The following RARB variants were observed in gnomAD, a reference collection of about 807,000 sequenced individuals.
RARB encodes the protein retinoic acid receptor beta.
Under a neutral mutation model 51.9 loss-of-function variants are expected in RARB, and 17 were observed. That is an observed-to-expected ratio of 0.33 (90% confidence interval 0.22 to 0.49). The LOEUF is 0.49. Ranked by LOEUF, RARB falls within the 20% of genes least tolerant of loss-of-function variation. RARB has a pLI of 0.99. For synonymous variants in RARB, 215 were observed against 195.4 expected (o/e 1.10, Z -0.84); for missense variants, 369 against 550.8 (o/e 0.67, Z 3.30).
At chr3:25,106,862 A>G (rs762713347) in intron 3 of RARB, among the ~76,000 whole-genome samples, 1 of 151,136 alleles carries the variant, frequency 6.6e-6, no homozygotes, top group Non-Finnish European at 1.5e-5. Context: ...TTGACTCCAG[A>G]TTCCATTTTT....
intron 2 of RARB, among the ~76,000 whole-genome samples, chr3:24,978,580 T>C (rs933773187): frequency 6.6e-6 from 1 of 152,200 alleles, no homozygotes; most frequent in African/African-American, 2.4e-5. Flanking sequence ...AGTTTGTATT[T>C]CTGTGGGGTT....
chr3:25,089,880 C>G (rs772853455), intron 3 of RARB, among the ~76,000 whole-genome samples: 1 of 152,100 alleles, frequency 6.6e-6, no homozygotes, highest in East Asian at 1.9e-4. Flanking sequence ...AAGAGAAAGA[C>G]AGTTCCCAGA....
At chr3:25,213,820 C>T (rs1701755364) in intron 5 of RARB, among the ~76,000 whole-genome samples, 2 of 152,154 alleles carry the variant, frequency 1.3e-5, no homozygotes, top group Admixed American at 1.3e-4. Context: ...AGGGCACCTT[C>T]CATAATGTAA....
chr3:25,499,850 C>T (rs1016888287), intron 2 of RARB, among the ~76,000 whole-genome samples: 1 of 152,156 alleles, frequency 6.6e-6, no homozygotes, highest in Admixed American at 6.5e-5. Context: ...TCATTTCCTA[C>T]AGGGCAATAA....
rs1051357640 is a variant in RARB at position 25,397,386 on chromosome 3, G to A, written c.179-63807G>A. Among the ~76,000 whole-genome samples, 3 of 152,144 alleles carry A rather than the reference G, an allele frequency of 2.0e-5. No homozygotes were observed. The South Asian group carries it at 6.2e-4, about 31-fold the overall frequency. ...CACTTTGGGCACTCAGAGTTTTTCG[G>A]CTGTCCCACAGAGTTTACAGTGGCA... On this transcript the variant is annotated intron_variant, in intron 5 of 11. Coordinates refer to the RARB transcript ENST00000383772.
At chr3:25,168,252 G>A (rs548930447) in intron 4 of RARB, among the ~76,000 whole-genome samples, 65 of 151,964 alleles carry the variant, frequency 4.3e-4, no homozygotes, top group African/African-American at 1.5e-3. Flanking sequence ...ATGGAGTGTT[G>A]CTCTGTTGCG....
chr3:25,285,288 T>A (rs1175632649), intron 5 of RARB, among the ~76,000 whole-genome samples: 1 of 152,114 alleles, frequency 6.6e-6, no homozygotes, highest in Non-Finnish European at 1.5e-5. Context: ...ATTAAGTGAA[T>A]TGGAAAAGGA....
At chr3:25,449,074 C>A (rs1709075068) in intron 1 of RARB, among the ~76,000 whole-genome samples, 1 of 152,038 alleles carries the variant, frequency 6.6e-6, no homozygotes, top group Admixed American at 6.6e-5. Flanking sequence ...GAAGGAGAAC[C>A]TGCGTAGGGG....
intron 5 of RARB, among the ~76,000 whole-genome samples, chr3:25,343,779 A>G (rs1222711373): frequency 6.6e-6 from 1 of 152,200 alleles, no homozygotes; most frequent in Non-Finnish European, 1.5e-5. Context: ...AATAATGATT[A>G]TCTAATTATT....
At chr3:25,212,612 G>A (rs1222198240) in intron 5 of RARB, among the ~76,000 whole-genome samples, 1 of 152,098 alleles carries the variant, frequency 6.6e-6, no homozygotes, top group Non-Finnish European at 1.5e-5. Flanking sequence ...GCTAGACTCT[G>A]TCTCAAAAGA....
intron 2 of RARB, among the ~76,000 whole-genome samples, chr3:25,473,004 G>A (rs1028935894): frequency 1.3e-5 from 2 of 152,140 alleles, no homozygotes. Context: ...TGAAACAGTT[G>A]TTTTCTGTTC....
chr3:25,224,616 A>G (rs916681487), intron 5 of RARB, among the ~76,000 whole-genome samples: 1 of 151,848 alleles, frequency 6.6e-6, no homozygotes, highest in African/African-American at 2.4e-5. Flanking sequence ...AATTTTGCCT[A>G]TTATTATTTG....
chr3:24,851,634 G>C (rs1702561622), intron 1 of RARB, among the ~76,000 whole-genome samples: 1 of 152,146 alleles, frequency 6.6e-6, no homozygotes, highest in Non-Finnish European at 1.5e-5. Flanking sequence ...ACTCAAACAT[G>C]AATAGCAGTT....
intron 2 of RARB, among the ~76,000 whole-genome samples, chr3:24,974,160 T>C (rs114731642): frequency 0.017 from 2,611 of 152,184 alleles, 40 homozygotes; most frequent in Non-Finnish European, 0.026. Flanking sequence ...TAACATAAAG[T>C]GATGTTGAAT....
chr3:25,559,531 A>G (rs776025959), intron 3 of RARB, among the ~76,000 whole-genome samples: 5 of 152,236 alleles, frequency 3.3e-5, no homozygotes, highest in Non-Finnish European at 5.9e-5. Context: ...GTCTTTTACT[A>G]GAATGTGAAT....
chr3:25,568,470 A>G (rs1032461094), intron 3 of RARB, among the ~76,000 whole-genome samples: 5 of 152,044 alleles, frequency 3.3e-5, no homozygotes, highest in Admixed American at 3.3e-4. Context: ...GCTCGTACAG[A>G]CACTGACTTT....
At chr3:25,046,553 A>G (rs936565229) in intron 2 of RARB, among the ~76,000 whole-genome samples, 4 of 152,128 alleles carry the variant, frequency 2.6e-5, no homozygotes, top group Non-Finnish European at 5.9e-5. Context: ...CCTGGGTTCA[A>G]GTGATTCTCC....
At chr3:24,960,107 T>A (rs543473771) in intron 2 of RARB, among the ~76,000 whole-genome samples, 3 of 152,286 alleles carry the variant, frequency 2.0e-5, no homozygotes, top group Admixed American at 6.5e-5. Context: ...TCTTCTAGTT[T>A]CTCCTATAAT....
chr3:25,317,121 ATAATG>A (rs567988128), intron 5 of RARB, among the ~76,000 whole-genome samples: 424 of 66,042 alleles, frequency 6.4e-3, no homozygotes, highest in Non-Finnish European at 0.011. Flanking sequence ...GATAAAAGCA[ATAATG>A]TAATCATAGA....
Sources: allele counts gnomAD v4.1 joint callset (sites outside exome capture counted in the v4.1 genomes callset), GRCh38; gene constraint gnomAD v4.1.1; transcripts MANE v1.5; gene names NCBI Gene and HGNC (gene_info 2026-07-23, HGNC 2026-07-21).